NUDT5: variants seen among roughly 807,000 people sequenced by gnomAD.
NUDT5 encodes the protein ADP-sugar pyrophosphatase.
A neutral mutation model predicts 34.1 loss-of-function variants in NUDT5; 21 were observed. The ratio of observed to expected loss-of-function variants is 0.62; its 90% CI spans 0.44 to 0.89. NUDT5 has a LOEUF of 0.89. Among genes scored for constraint, NUDT5 ranks in the 40% least tolerant of loss-of-function variants. NUDT5 has a pLI of 0.00. For missense variants in NUDT5, 249 were observed against 274.8 expected, an observed-to-expected ratio of 0.91 and a Z score of 0.66; for synonymous variants, 85 against 97.6, an observed-to-expected ratio of 0.87 and a Z score of 0.76.
rs1835152745 is a variant in NUDT5, at chr10:12,187,698, A to G, written c.-41-1366T>C. On this transcript the variant is annotated intron_variant, in intron 1 of 9. Transcript: ENST00000491614. This position sits in a 1 kb window ranked among gnomAD's most constrained non-coding sequence, Gnocchi z 5.4. ...CATGTGACCTGTCTTCCTCCTCTGGAAGCTTGTAGTTAGTCACTTTCATGT... is the reference window on the plus strand; with the variant it reads ...CATGTGACCTGTCTTCCTCCTCTGGGAGCTTGTAGTTAGTCACTTTCATGT... 6.6e-6 allele frequency among the ~76,000 whole-genome samples: 1 copy of G among 152,126 alleles called. No homozygotes were observed. Among genetic ancestry groups the G allele is most frequent in the South Asian group, 2.1e-4 (1 of 4,818 alleles).
In NUDT5 at chr10:12,173,956, C is replaced by T. The variant is rs563572708; in HGVS notation, c.290-143G>A. The T allele has an allele frequency of 7.9e-6, 5 of 635,500 alleles. No individual in the cohort carries two copies. Among genetic ancestry groups the T allele is most frequent in the South Asian group, 3.4e-5 (2 of 58,266 alleles). 39.4% of individuals were successfully genotyped at this position (635,500 alleles called of 1,614,324 possible). On this transcript the variant is annotated intron_variant, in intron 5 of 9. Coordinates refer to ENST00000491614, the MANE Select transcript of NUDT5 (RefSeq NM_014142.4). This position sits in a 1 kb window ranked among gnomAD's most constrained non-coding sequence, Gnocchi z 4.7. ...ATCTCGGCCCACTGCAACCTCCGCC[C>T]GTCCAGGTTTAAGCAATTCTCTGCT... is the stretch of plus-strand genomic sequence containing the variant.
chr10:12,172,020 C>T (rs995573446), intron 7 of NUDT5, among the ~76,000 whole-genome samples: 9 of 151,660 alleles, frequency 5.9e-5, no homozygotes, highest in African/African-American at 9.7e-5. Context: ...CCACCACGCC[C>T]GGCAAAAAAT....
rs1834652029 is a variant in NUDT5, at chr10:12,165,570, T to C, written c.*2132A>G. 1 of 161,886 alleles carries C rather than the reference T, an allele frequency of 6.2e-6. No individual in the cohort carries two copies. The highest frequency in any genetic ancestry group is 1.3e-5 in the Non-Finnish European group (1 of 76,948). The allele number at this position is 161,886 out of a possible 1,614,324, so 10.0% of individuals were successfully genotyped here. On this transcript the variant is annotated 3_prime_UTR_variant, in exon 10 of 10. Transcript: ENST00000491614. Reference sequence around the variant, plus strand: ...AGGGTAATCATATATGTGACTAACATTTGGGAGGAAACAGGAAAACAGTGG... The same window carrying C: ...AGGGTAATCATATATGTGACTAACACTTGGGAGGAAACAGGAAAACAGTGG...
chr10:12,179,778 C>A (rs1835015716), intron 3 of NUDT5, among the ~76,000 whole-genome samples: 1 of 152,160 alleles, frequency 6.6e-6, no homozygotes, highest in African/African-American at 2.4e-5. Context: ...CTGACTGTTA[C>A]CCAACTCAGC....
At chr10:12,194,843 A>G (rs919122597) in intron 1 of NUDT5, among the ~76,000 whole-genome samples, 1 of 152,194 alleles carries the variant, frequency 6.6e-6, no homozygotes, top group Non-Finnish European at 1.5e-5. Context: ...TCGTGTGGTA[A>G]GCGACACGAC....
chr10:12,178,484 C>T (rs140496264), intron 4 of NUDT5, among the ~76,000 whole-genome samples: 1 of 152,254 alleles, frequency 6.6e-6, no homozygotes, highest in African/African-American at 2.4e-5. Flanking sequence ...TCTGTGAAGC[C>T]AGCAGCAGCA....
intron 4 of NUDT5, 143 bp from the exon 5 acceptor site, chr10:12,178,043 A>G (rs1834984640): frequency 3.4e-6 from 2 of 586,438 alleles, no homozygotes; most frequent in South Asian, 2.2e-5. Flanking sequence ...ATTGGAAGCT[A>G]TTTTAAAAAT....
intron 1 of NUDT5, among the ~76,000 whole-genome samples, chr10:12,193,434 A>G (rs1835269663): frequency 6.6e-6 from 1 of 152,224 alleles, no homozygotes; most frequent in Non-Finnish European, 1.5e-5. Context: ...ATTGCACAAT[A>G]AATCTCCTCC....
At chr10:12,192,758 C>T (rs762516364) in intron 1 of NUDT5, among the ~76,000 whole-genome samples, 14 of 151,596 alleles carry the variant, frequency 9.2e-5, no homozygotes, top group Non-Finnish European at 7.4e-5. Flanking sequence ...GACTGAGGCA[C>T]GAGAAAAGCC....
chr10:12,179,076 C>T lies in NUDT5; in HGVS notation c.181+7G>A. The T allele has an allele frequency of 6.2e-7, 1 of 1,612,946 alleles. No homozygotes were observed. Among genetic ancestry groups the T allele is most frequent in the African/African-American group, 1.3e-5 (1 of 75,010 alleles). ...TCTAAAGGGTTGGAATAGGTTTGCA[C>T]TCCTACCATCCGCAGTCTGCTCTTT... On this transcript the variant is annotated splice_region_variant and intron_variant, in intron 4 of 9. Transcript: ENST00000491614.
chr10:12,185,497 T>C (rs1835111611), intron 2 of NUDT5, among the ~76,000 whole-genome samples: 1 of 152,258 alleles, frequency 6.6e-6, no homozygotes, highest in African/African-American at 2.4e-5. Context: ...CCCAGGTTCG[T>C]TCTGCCTAGA....
intron 4 of NUDT5, 66 bp downstream of exon 4, chr10:12,179,017 A>G (rs1835001203): frequency 7.4e-7 from 1 of 1,343,022 alleles, no homozygotes; most frequent in African/African-American, 1.4e-5. Context: ...GTTCCATTGA[A>G]AACCCTCTTA....
chr10:12,192,759 G>A (rs1482566673), intron 1 of NUDT5, among the ~76,000 whole-genome samples: 5 of 152,038 alleles, frequency 3.3e-5, no homozygotes, highest in African/African-American at 7.2e-5. Flanking sequence ...ACTGAGGCAC[G>A]AGAAAAGCCT....
Position 12,173,671 on chromosome 10 carries a change from C to A in NUDT5, c.385+47G>T, listed in dbSNP as rs574387547. ...GAACACCCAAATAATCAATCCCTTCCCAGACGGAGGAATCCATCACTTGGT... is the reference window on the plus strand; with the variant it reads ...GAACACCCAAATAATCAATCCCTTCACAGACGGAGGAATCCATCACTTGGT... On this transcript the variant is annotated intron_variant, in intron 6 of 9. Coordinates refer to ENST00000491614, the MANE Select transcript of NUDT5 (RefSeq NM_014142.4). This position sits in a 1 kb window ranked among gnomAD's most constrained non-coding sequence, Gnocchi z 4.7. 3.4e-5 allele frequency: 47 copies of A among 1,364,042 alleles called. No individual in the cohort carries two copies. The African/African-American group carries it at 6.1e-4, about 18-fold the overall frequency. 84.5% of individuals were successfully genotyped at this position (1,364,042 alleles called of 1,614,324 possible).
intron 1 of NUDT5, among the ~76,000 whole-genome samples, chr10:12,193,702 C>T (rs920808423): frequency 6.6e-6 from 1 of 152,080 alleles, no homozygotes; most frequent in East Asian, 1.9e-4. Context: ...ACTGTAATAC[C>T]AAAAAGTCAT....
rs1054067 is a variant in NUDT5, at chr10:12,169,762, A to T, written c.550+955T>A. The T allele has an allele frequency of 0.43, 101,666 of 237,076 alleles. 22,101 individuals carry two copies. Among genetic ancestry groups the T allele is most frequent in the East Asian group, 0.53 (5,960 of 11,284 alleles). The allele number at this position is 237,076 out of a possible 1,614,324, so 14.7% of individuals were successfully genotyped here. The stretch of plus-strand genomic sequence containing the variant: ...CAGATTTTCAAACAAACAACAGACA[A>T]TTCAAAACCAGGCGCTCTGCTTATT... On this transcript the variant is annotated intron_variant, in intron 9 of 9. Transcript: ENST00000491614. The surrounding 1 kb of genome is among the most constrained non-coding windows in gnomAD (Gnocchi z 4.8).
chr10:12,179,460 G>A (rs1835010825), intron 3 of NUDT5, among the ~76,000 whole-genome samples: 1 of 152,192 alleles, frequency 6.6e-6, no homozygotes, highest in South Asian at 2.1e-4. Context: ...AGCACAGCCA[G>A]TGACAGATTA....
chr10:12,170,868 CA>C lies in NUDT5; in HGVS notation c.496+31del, dbSNP rs572481493. On this transcript the variant is annotated intron_variant, in intron 8 of 9. Coordinates refer to ENST00000491614, the MANE Select transcript of NUDT5 (RefSeq NM_014142.4). The surrounding 1 kb of genome is among the most constrained non-coding windows in gnomAD (Gnocchi z 4.9). ...GCCATCACCACTACACTAAGTCATA[CA>C]CGCTCGGCCACCAGGAGTTGCAGAA... The C allele has an allele frequency of 6.2e-4, 1,003 of 1,613,904 alleles. 16 individuals are homozygous for C. The South Asian group carries it at 0.01, about 17-fold the overall frequency.
At chr10:12,189,395 C>T (rs117561513) in intron 1 of NUDT5, among the ~76,000 whole-genome samples, 36 of 152,160 alleles carry the variant, frequency 2.4e-4, no homozygotes, top group Admixed American at 5.2e-4. Context: ...CGTGAACCAC[C>T]GTGCCTGGCC....
Sources: gnomAD v4.1 joint callset for allele counts (sites outside exome capture counted in the v4.1 genomes callset) on GRCh38, gnomAD v4.1.1 for gene constraint, Gnocchi (gnomAD v3.1) non-coding constraint, MANE v1.5 for transcripts, NCBI Gene and HGNC (gene_info 2026-07-23, HGNC 2026-07-21) for gene names.